CNTNAP2: variants seen among roughly 807,000 people sequenced by gnomAD.
The protein encoded by CNTNAP2 is contactin-associated protein-like 2.
CNTNAP2 carries 98 observed loss-of-function variants against 155.2 expected under a neutral mutation model. The observed-to-expected ratio is 0.63, with a 90% CI of 0.54 to 0.75. The LOEUF is 0.75. CNTNAP2 is among the 30% of genes least tolerant of loss of function. The pLI is 0.00. For synonymous variants in CNTNAP2, 651 were observed against 631.2 expected (o/e 1.03, Z -0.47); for missense variants, 1,727 against 1,688.1 (o/e 1.02, Z -0.40).
chr7:147,529,880 A>C (rs1218301346), intron 11 of CNTNAP2, among the ~76,000 whole-genome samples: 1 of 152,236 alleles, frequency 6.6e-6, no homozygotes, highest in Non-Finnish European at 1.5e-5. Context: ...AAAGGCCAGG[A>C]AATCACAGGA....
At chr7:148,015,530 A>G (rs1802162931) in intron 15 of CNTNAP2, among the ~76,000 whole-genome samples, 1 of 152,174 alleles carries the variant, frequency 6.6e-6, no homozygotes, top group Non-Finnish European at 1.5e-5. Flanking sequence ...GTTCTGTGCA[A>G]GTGATCACAG....
chr7:147,469,107 G>C (rs574676096), intron 10 of CNTNAP2, among the ~76,000 whole-genome samples: 2 of 152,218 alleles, frequency 1.3e-5, no homozygotes, highest in African/African-American at 4.8e-5. Context: ...ACAGGCATGA[G>C]CTGCCGTGAC....
In CNTNAP2 at chr7:147,033,147, CATATATATATATGT is replaced by C. The variant is rs1420304965; in HGVS notation, c.403-10747_403-10734del. On this transcript the variant is annotated intron_variant, in intron 3 of 23. Coordinates refer to ENST00000361727, the MANE Select transcript of CNTNAP2 (RefSeq NM_014141.6). ...GTAGGGTCTAGAGAGGATATTGCTG[CATATATATATATGT>C]ATATATATATATATATATATATATA... 3.7e-3 allele frequency among the ~76,000 whole-genome samples: 325 copies of C among 86,968 alleles called. 3 individuals carry two copies. The highest frequency in any genetic ancestry group is 0.012 in the Middle Eastern group (2 of 168). 57.1% of individuals were successfully genotyped at this position (86,968 alleles called of 152,430 possible).
At chr7:148,405,333 G>A (rs933254385) in intron 22 of CNTNAP2, among the ~76,000 whole-genome samples, 35 of 151,404 alleles carry the variant, frequency 2.3e-4, no homozygotes, top group African/African-American at 1.2e-4. Flanking sequence ...TTCTCCTTGC[G>A]TCATCTCAGG....
intron 13 of CNTNAP2, among the ~76,000 whole-genome samples, chr7:147,818,468 G>T (rs986093139): frequency 1.3e-5 from 2 of 152,268 alleles, no homozygotes; most frequent in African/African-American, 4.8e-5. Flanking sequence ...AGTCTTAGAA[G>T]ACTGATGTAA....
At chr7:146,713,320 T>G (rs1023676305) in intron 1 of CNTNAP2, among the ~76,000 whole-genome samples, 2 of 152,138 alleles carry the variant, frequency 1.3e-5, no homozygotes, top group Admixed American at 6.6e-5. Flanking sequence ...CTGCAGTTAT[T>G]AATTAGTGTT....
chr7:147,171,509 T>C (rs1802226318), intron 8 of CNTNAP2, among the ~76,000 whole-genome samples: 1 of 152,174 alleles, frequency 6.6e-6, no homozygotes, highest in Non-Finnish European at 1.5e-5. Context: ...TGAAGCTACC[T>C]GTAATAGACT....
At chr7:147,277,097 A>G (rs1428414108) in intron 8 of CNTNAP2, among the ~76,000 whole-genome samples, 1 of 152,036 alleles carries the variant, frequency 6.6e-6, no homozygotes, top group Non-Finnish European at 1.5e-5. Context: ...TATCTTTATA[A>G]AACACCAATG....
chr7:148,179,507 G>A (rs113281253), intron 18 of CNTNAP2, among the ~76,000 whole-genome samples: 9 of 141,432 alleles, frequency 6.4e-5, no homozygotes, highest in African/African-American at 2.3e-4. Flanking sequence ...ACTGAGGAAA[G>A]AAAGACAGAG....
chr7:146,635,800 C>G (rs2129159846), intron 1 of CNTNAP2, among the ~76,000 whole-genome samples: 1 of 120,144 alleles, frequency 8.3e-6, no homozygotes, highest in Non-Finnish European at 1.9e-5. Context: ...TGCCAGGACT[C>G]ATCTCTAAAA....
intron 18 of CNTNAP2, among the ~76,000 whole-genome samples, chr7:148,193,897 GT>G (rs991267519): frequency 1.3e-5 from 2 of 151,112 alleles, no homozygotes; most frequent in Non-Finnish European, 2.9e-5. Flanking sequence ...CTCTCCCCAT[GT>G]GGAGAATCCT....
At chr7:146,585,682 C>A in intron 1 of CNTNAP2, among the ~76,000 whole-genome samples, 1 of 142,646 alleles carries the variant, frequency 7.0e-6, no homozygotes, top group African/African-American at 2.6e-5. Context: ...TAGAACATGG[C>A]TAAAACTCAT....
chr7:146,272,347 G>A (rs769468531), intron 1 of CNTNAP2, among the ~76,000 whole-genome samples: 19 of 152,130 alleles, frequency 1.2e-4, no homozygotes, highest in Non-Finnish European at 2.5e-4. Flanking sequence ...CTCTCCAATG[G>A]CACGTGGGGA....
At chr7:146,762,192 A>G (rs1008438792) in intron 1 of CNTNAP2, among the ~76,000 whole-genome samples, 1 of 152,168 alleles carries the variant, frequency 6.6e-6, no homozygotes, top group Admixed American at 6.6e-5. Context: ...ATGTCTAGAT[A>G]GAAAATAACA....
intron 1 of CNTNAP2, among the ~76,000 whole-genome samples, chr7:146,632,290 C>T (rs191357833): frequency 2.6e-4 from 39 of 152,202 alleles, no homozygotes; most frequent in African/African-American, 7.9e-4. Context: ...TAAAAAACTA[C>T]AATTTTCATT....
At chr7:147,032,952 G>A (rs1215205279) in intron 3 of CNTNAP2, among the ~76,000 whole-genome samples, 1 of 151,756 alleles carries the variant, frequency 6.6e-6, no homozygotes, top group East Asian at 1.9e-4. Context: ...AGAATAAAGA[G>A]AAGGAATCAA....
intron 3 of CNTNAP2, among the ~76,000 whole-genome samples, chr7:146,899,216 A>T (rs2129213220): frequency 6.6e-6 from 1 of 152,240 alleles, no homozygotes; most frequent in East Asian, 1.9e-4. Context: ...ATCTAGGCCC[A>T]TGGCTTTAAT....
At chr7:146,142,685 T>C (rs143129594) in intron 1 of CNTNAP2, among the ~76,000 whole-genome samples, 1 of 152,306 alleles carries the variant, frequency 6.6e-6, no homozygotes, top group East Asian at 1.9e-4. Flanking sequence ...AACTTTCACT[T>C]CGTATTACCC....
intron 14 of CNTNAP2, among the ~76,000 whole-genome samples, chr7:147,929,826 C>T (rs1367067057): frequency 6.6e-6 from 1 of 152,110 alleles, no homozygotes; most frequent in African/African-American, 2.4e-5. Flanking sequence ...TTCTATGGAC[C>T]AGGGTTGGTG....
Sources: allele counts gnomAD v4.1 joint callset (sites outside exome capture counted in the v4.1 genomes callset), GRCh38; gene constraint gnomAD v4.1.1; transcripts MANE v1.5; gene names NCBI Gene and HGNC (gene_info 2026-07-23, HGNC 2026-07-21).